MYO1F: variants seen among roughly 807,000 people sequenced by gnomAD.
The protein encoded by MYO1F is myosin IF.
A neutral mutation model predicts 146.6 loss-of-function variants in MYO1F; 60 were observed. That is an observed-to-expected ratio of 0.41 (90% CI 0.33 to 0.51). The LOEUF (loss-of-function observed/expected upper bound fraction) is 0.51. Ranked by LOEUF, MYO1F falls within the 20% of genes least tolerant of loss-of-function variation. The pLI is 0.25. For missense variants in MYO1F, 1,274 were observed against 1,534.3 expected (o/e 0.83, Z 2.83); for synonymous variants, 602 against 602.1 (o/e 1.00, Z 0.00).
intron 1 of MYO1F, 148 bp from the exon 2 acceptor site, chr19:8,555,944 C>A: frequency 1.3e-6 from 1 of 784,670 alleles, no homozygotes; most frequent in Non-Finnish European, 2.0e-6. Flanking sequence ...CTGGCAGGGT[C>A]CAAGCCAGGC....
In MYO1F at chr19:8,536,555, G is replaced by T. The variant is rs1316343661; in HGVS notation, c.1842C>A (p.Ile614=). 3 of 1,568,356 alleles carry T rather than the reference G, an allele frequency of 1.9e-6. No individual in the cohort carries two copies. The highest frequency in any genetic ancestry group is 2.6e-6 in the Non-Finnish European group (3 of 1,152,058). Residue 614 remains isoleucine (I), a synonymous_variant, in exon 18 of 28, where the codon ATC becomes ATA. Coordinates refer to ENST00000644032, the MANE Select transcript of MYO1F (RefSeq NM_012335.4). ...QVEYLGLKEN[I]RVRRAGFAYR... ...AGGCGAAGCCGGCTCTGCGCACCCT[G>T]ATGTTCTCCTTCAGGCCCAGGTATT...
chr19:8,526,863 G>A lies in MYO1F; in HGVS notation c.2547C>T (p.Thr849=). 1 of 1,614,014 alleles carries A rather than the reference G, an allele frequency of 6.2e-7. No homozygotes were observed. Residue 849 remains threonine, a synonymous_variant, in exon 23 of 28, where the codon ACC becomes ACT. Transcript: ENST00000644032. ...ADSFLESVFK[T]EFVSLLCKRF... ...GCTTGCACAGAAGGCTGACAAACTC[G>A]GTCTTGAAGACGCTCTCCAGGAAGC... is the stretch of plus-strand genomic sequence containing the variant.
chr19:8,550,514 C>T, intron 9 of MYO1F, 48 bp downstream of exon 9: 2 of 1,613,924 alleles, frequency 1.2e-6, no homozygotes, highest in Non-Finnish European at 8.5e-7. Context: ...GGACGCAGTT[C>T]ACCCACCCAC....
chr19:8,548,153 A>G, intron 11 of MYO1F, 31 bp from the exon 12 acceptor site: 1 of 1,613,540 alleles, frequency 6.2e-7, no homozygotes, highest in Non-Finnish European at 8.5e-7. Flanking sequence ...TCCTTCCCTC[A>G]ATGTCCTGGT....
chr19:8,547,990 C>CCCCCCCCCCCCCCCCA, intron 12 of MYO1F, 46 bp downstream of exon 12: 3 of 1,112,566 alleles, frequency 2.7e-6, no homozygotes, highest in Non-Finnish European at 4.1e-6. Context: ...CCTTCCACCC[C>CCCCCCCCCCCCCCCCA]ACCCCCACCC....
intron 1 of MYO1F, among the ~76,000 whole-genome samples, chr19:8,568,151 C>T (rs541624673): frequency 9.9e-5 from 15 of 152,258 alleles, no homozygotes; most frequent in African/African-American, 3.1e-4. Context: ...GGGCCGGGCA[C>T]GGTGGCTCAC....
chr19:8,559,920 A>G (rs1052080793), intron 1 of MYO1F, among the ~76,000 whole-genome samples: 59 of 147,996 alleles, frequency 4.0e-4, no homozygotes, highest in Non-Finnish European at 1.2e-4. Flanking sequence ...ATTGCACTCC[A>G]GCCTGGGCAA....
intron 1 of MYO1F, among the ~76,000 whole-genome samples, chr19:8,568,768 A>C (rs1436306812): frequency 6.6e-6 from 1 of 152,052 alleles, no homozygotes; most frequent in Non-Finnish European, 1.5e-5. Context: ...TAAAAATACA[A>C]AAATTAGCCC....
At chr19:8,549,620 C>T in intron 10 of MYO1F, 1 of 162,292 alleles carries the variant, frequency 6.2e-6, no homozygotes, top group Non-Finnish European at 1.4e-5. Flanking sequence ...TCAAGTGATT[C>T]TCCTCCCTCA....
At chr19:8,550,051 C>T in intron 10 of MYO1F, 109 bp downstream of exon 10, 4 of 1,298,104 alleles carry the variant, frequency 3.1e-6, no homozygotes, top group South Asian at 2.5e-5. Flanking sequence ...GCTCCCAACT[C>T]AGCCACCCAA....
In MYO1F at chr19:8,550,662, G is replaced by A; in HGVS notation, c.804C>T (p.Ser268=). Reference sequence around the variant, plus strand: ...CGAGCTGCAGGACCAGCTGCTGGATGCTGGGCGGGATCCCAATAACCTGCA... The same window carrying A: ...CGAGCTGCAGGACCAGCTGCTGGATACTGGGCGGGATCCCAATAACCTGCA... ...SAMQVIGIPP[S]IQQLVLQLVA... is the part of the protein sequence containing the mutation. The change falls in exon 9 of 28, where the codon AGC becomes AGT. Residue 268 remains serine (S), a synonymous_variant. Coordinates refer to ENST00000644032, the MANE Select transcript of MYO1F (RefSeq NM_012335.4). 6.2e-7 allele frequency: 1 copy of A among 1,614,178 alleles called. No homozygotes were observed.
chr19:8,543,717 G>C (rs542542412), intron 14 of MYO1F, among the ~76,000 whole-genome samples: 254 of 20,840 alleles, frequency 0.012, 16 homozygotes, highest in African/African-American at 0.042. Context: ...GCTGGTGGTG[G>C]TGGTGGTGCT....
rs969247104 is a variant in MYO1F, at chr19:8,525,329, T to C, written c.2854+150A>G. The C allele has an allele frequency of 2.7e-5, 19 of 707,534 alleles. No homozygotes were observed. In the East Asian group the frequency reaches 4.4e-4, roughly 16 times the overall value. 43.8% of individuals were successfully genotyped at this position (707,534 alleles called of 1,614,324 possible). A position where few individuals can be genotyped will look rare whatever the true frequency, so the allele number is the denominator to read the frequency against. On this transcript the variant is annotated intron_variant, in intron 25 of 27. Coordinates refer to ENST00000644032, the MANE Select transcript of MYO1F (RefSeq NM_012335.4). The stretch of plus-strand genomic sequence containing the variant: ...TGAATGCCAAACTAAGTTTAGCCTT[T>C]ATTCTGCGGGAGATGTGGAGCTACG...
chr19:8,564,992 C>T (rs2041976960), intron 1 of MYO1F, among the ~76,000 whole-genome samples: 5 of 151,916 alleles, frequency 3.3e-5, no homozygotes, highest in South Asian at 2.1e-4. Flanking sequence ...ACGCTCATCT[C>T]GAACTCCCAA....
At chr19:8,571,409 C>T (rs2042104709) in intron 1 of MYO1F, among the ~76,000 whole-genome samples, 1 of 144,224 alleles carries the variant, frequency 6.9e-6, no homozygotes, top group African/African-American at 2.8e-5. Flanking sequence ...CTTTTCTTTT[C>T]TCTCTCTCTC....
intron 21 of MYO1F, among the ~76,000 whole-genome samples, chr19:8,528,920 T>G (rs1295658488): frequency 6.6e-6 from 1 of 152,088 alleles, no homozygotes; most frequent in South Asian, 2.1e-4. Context: ...GCAAGCCGGT[T>G]GAGCTGGCCT....
At chr19:8,552,373 C>T (rs939684933) in intron 6 of MYO1F, among the ~76,000 whole-genome samples, 2 of 152,082 alleles carry the variant, frequency 1.3e-5, no homozygotes, top group Non-Finnish European at 2.9e-5. Flanking sequence ...ATTCTCCTGC[C>T]TTAGCCTCCT....
At chr19:8,541,615 G>C in intron 15 of MYO1F, 1 of 420,376 alleles carries the variant, frequency 2.4e-6, no homozygotes, top group African/African-American at 2.1e-5. Flanking sequence ...TTTTAGTAGA[G>C]ACAAGGTTTT....
Position 8,527,418 on chromosome 19 carries a change from C to G in MYO1F, c.2394G>C (p.Lys798Asn). 6.2e-7 allele frequency: 1 copy of G among 1,614,096 alleles called. No homozygotes were observed. Among genetic ancestry groups the G allele is most frequent in the East Asian group, 2.2e-5 (1 of 44,882 alleles). ...CVYVIGREKV[K>N]KGPEKGQVCE... Reference sequence around the variant, plus strand: ...ACACCTGGCCCTTCTCAGGTCCCTTCTTCACTTTCTCTCGCCCAATCACAT... The same window carrying G: ...ACACCTGGCCCTTCTCAGGTCCCTTGTTCACTTTCTCTCGCCCAATCACAT... The change falls in exon 22 of 28, where the codon AAG becomes AAC. Residue 798 changes from lysine (K) to asparagine (N), a missense_variant. Transcript: ENST00000644032.
Sources: gnomAD v4.1 joint callset for allele counts (sites outside exome capture counted in the v4.1 genomes callset) on GRCh38, gnomAD v4.1.1 for gene constraint, MANE v1.5 for transcripts, NCBI Gene and HGNC (gene_info 2026-07-23, HGNC 2026-07-21) for gene names.